PTPRK: variants seen among roughly 807,000 people sequenced by gnomAD.
PTPRK encodes the protein protein tyrosine phosphatase receptor type K, also known as receptor-type tyrosine-protein phosphatase kappa.
PTPRK carries 75 observed loss-of-function variants against 178.0 expected under a neutral mutation model. The observed-to-expected ratio is 0.42, with a 90% confidence interval of 0.35 to 0.51. The LOEUF is 0.51. Ranked by LOEUF, PTPRK falls within the 20% of genes least tolerant of loss-of-function variation. The probability of loss-of-function intolerance (pLI) is 0.02; values close to 1 mark genes in which losing one functional copy is unlikely to be tolerated. For synonymous variants in PTPRK, 637 were observed against 620.6 expected (o/e 1.03, Z -0.39); for missense variants, 1,441 against 1,797.8 (o/e 0.80, Z 3.59).
chr6:128,051,926 T>C (rs1378084590), intron 13 of PTPRK, among the ~76,000 whole-genome samples: 6 of 152,182 alleles, frequency 3.9e-5, no homozygotes, highest in Non-Finnish European at 8.8e-5. Flanking sequence ...GTGACTGACA[T>C]CACATCTTCC....
chr6:128,120,310 A>G (rs1792252210), intron 7 of PTPRK, among the ~76,000 whole-genome samples: 1 of 151,964 alleles, frequency 6.6e-6, no homozygotes, highest in Non-Finnish European at 1.5e-5. Flanking sequence ...TATTCTATGT[A>G]GGACAGCTTT....
intron 1 of PTPRK, among the ~76,000 whole-genome samples, chr6:128,469,857 G>A (rs558725505): frequency 1.1e-3 from 169 of 152,124 alleles, no homozygotes; most frequent in Middle Eastern, 0.01. Context: ...AGAGAAAAAG[G>A]GCCATGAGCC....
Position 127,991,420 on chromosome 6 carries a change from T to C in PTPRK, c.2882-29A>G, listed in dbSNP as rs758205541. 15 of 1,506,434 alleles carry C rather than the reference T, an allele frequency of 1.0e-5. No individual in the cohort carries two copies. In the Admixed American group the frequency reaches 2.2e-4, roughly 22 times the overall value. The allele number at this position is 1,506,434 out of a possible 1,614,324, so 93.3% of individuals were successfully genotyped here. A position where few individuals can be genotyped will look rare whatever the true frequency, so the allele number is the denominator to read the frequency against. On this transcript the variant is annotated intron_variant, in intron 19 of 29. Transcript: ENST00000368226. Reference sequence around the variant, plus strand: ...CAAAGAAATTAATTTGAATATTATGTTATCAAAGGAATTTTGTAGTTAGTA... The same window carrying C: ...CAAAGAAATTAATTTGAATATTATGCTATCAAAGGAATTTTGTAGTTAGTA...
At chr6:128,205,340 A>T (rs918379639) in intron 6 of PTPRK, among the ~76,000 whole-genome samples, 1 of 151,966 alleles carries the variant, frequency 6.6e-6, no homozygotes, top group African/African-American at 2.4e-5. Context: ...TGATGGGACA[A>T]TCTGTGCAGC....
chr6:128,268,485 G>A (rs535202272), intron 3 of PTPRK, among the ~76,000 whole-genome samples: 2 of 152,114 alleles, frequency 1.3e-5, no homozygotes, highest in South Asian at 4.2e-4. Context: ...AAATGCTTAT[G>A]ATTTCGCCTT....
At chr6:128,313,793 T>C (rs1827595620) in intron 3 of PTPRK, among the ~76,000 whole-genome samples, 1 of 152,170 alleles carries the variant, frequency 6.6e-6, no homozygotes, top group African/African-American at 2.4e-5. Flanking sequence ...AAATTACCGT[T>C]ATCAAGACCA....
chr6:127,970,231 GA>G lies in PTPRK; in HGVS notation c.4318del (p.Ser1440LeufsTer12). The G allele has an allele frequency of 6.2e-7, 1 of 1,608,112 alleles. No individual in the cohort carries two copies. Among genetic ancestry groups the G allele is most frequent in the Non-Finnish European group, 8.5e-7 (1 of 1,176,232 alleles). Reference sequence around the variant, plus strand: ...ACTTTAAAGAGTCTCACCCAACTAAGATGATTCCAGGTACTCCAAAGCTACA... The same window carrying G: ...ACTTTAAAGAGTCTCACCCAACTAAGTGATTCCAGGTACTCCAAAGCTACA... ...YDVALEYLES[S>X] is the part of the protein sequence containing the mutation. On this transcript the variant is annotated frameshift_variant, in exon 30 of 30. Coordinates refer to ENST00000368226, the MANE Select transcript of PTPRK (RefSeq NM_002844.4). LOFTEE classifies it high-confidence loss of function.
intron 3 of PTPRK, among the ~76,000 whole-genome samples, chr6:128,249,298 T>TTTA: frequency 7.5e-6 from 1 of 132,856 alleles, no homozygotes; most frequent in East Asian, 2.2e-4. Context: ...TGGTGTGATT[T>TTTA]AAAAAAAAAA....
intron 2 of PTPRK, among the ~76,000 whole-genome samples, chr6:128,392,749 CAAAAAGAG>C (rs1454079428): frequency 3.0e-4 from 3 of 9,856 alleles, no homozygotes; most frequent in Admixed American, 2.8e-3. Context: ...AAGTCAAAAA[CAAAAAGAG>C]AGAAAGAAAT....
At chr6:128,410,106 ATGGAGGAAGTCAGGC>A (rs1842133824) in intron 1 of PTPRK, among the ~76,000 whole-genome samples, 1 of 152,226 alleles carries the variant, frequency 6.6e-6, no homozygotes, top group South Asian at 2.1e-4. Context: ...AAGAAGGTAC[ATGGAGGAAGTCAGGC>A]TGGAGGAAGT....
At chr6:128,088,857 G>T (rs1786414918) in intron 8 of PTPRK, among the ~76,000 whole-genome samples, 1 of 152,124 alleles carries the variant, frequency 6.6e-6, no homozygotes, top group Non-Finnish European at 1.5e-5. Context: ...GTCTAATAAA[G>T]GCCATTATAT....
intron 1 of PTPRK, among the ~76,000 whole-genome samples, chr6:128,479,413 G>A (rs1851774179): frequency 6.6e-6 from 1 of 152,134 alleles, no homozygotes; most frequent in African/African-American, 2.4e-5. Context: ...AAAATTCCAT[G>A]TTGACTCAAT....
intron 13 of PTPRK, among the ~76,000 whole-genome samples, chr6:128,020,646 T>C (rs530917469): frequency 3.3e-5 from 5 of 152,238 alleles, no homozygotes; most frequent in Admixed American, 2.6e-4. Context: ...AAAATCACAT[T>C]TGAATATTAG....
At chr6:128,209,159 C>T (rs932699642) in intron 6 of PTPRK, among the ~76,000 whole-genome samples, 4 of 151,986 alleles carry the variant, frequency 2.6e-5, no homozygotes, top group Non-Finnish European at 4.4e-5. Flanking sequence ...TCCCTAAAAA[C>T]GCGCCATTTT....
intron 1 of PTPRK, among the ~76,000 whole-genome samples, chr6:128,457,130 CT>C (rs1343251250): frequency 1.3e-5 from 2 of 152,052 alleles, no homozygotes; most frequent in African/African-American, 4.8e-5. Flanking sequence ...CTGCAAATAT[CT>C]CTCTAATAAT....
At chr6:128,082,734 T>C (rs533001123) in intron 9 of PTPRK, 96 bp from the exon 10 acceptor site, 6 of 858,282 alleles carry the variant, frequency 7.0e-6, no homozygotes, top group African/African-American at 1.7e-5. Context: ...AGGGCATCCA[T>C]GTGGAGTCAA....
At chr6:128,380,553 CGTGT>C (rs1554246048) in intron 2 of PTPRK, among the ~76,000 whole-genome samples, 62 of 146,354 alleles carry the variant, frequency 4.2e-4, no homozygotes, top group East Asian at 3.3e-3. Flanking sequence ...CACACACACA[CGTGT>C]GTGTGTGTGT....
chr6:128,516,680 G>C (rs1858083595), intron 1 of PTPRK, among the ~76,000 whole-genome samples: 1 of 152,060 alleles, frequency 6.6e-6, no homozygotes, highest in Non-Finnish European at 1.5e-5. Flanking sequence ...GACATGTCAG[G>C]AACTATAGAC....
intron 8 of PTPRK, chr6:128,084,858 C>A (rs941252735): frequency 6.6e-6 from 1 of 152,112 alleles, no homozygotes; most frequent in Non-Finnish European, 1.5e-5. Context: ...GAATATTGGG[C>A]AAGCATAGTT....
Sources: allele counts gnomAD v4.1 joint callset (sites outside exome capture counted in the v4.1 genomes callset), GRCh38; gene constraint gnomAD v4.1.1; transcripts MANE v1.5; gene names NCBI Gene and HGNC (gene_info 2026-07-23, HGNC 2026-07-21).